Variants in RHBDL3 observed in about 807,000 individuals in gnomAD.
The protein encoded by RHBDL3 is rhomboid-related protein 3.
Under a neutral mutation model 48.2 loss-of-function variants are expected in RHBDL3, and 28 were observed. That is an observed-to-expected ratio of 0.58 (90% CI 0.43 to 0.80). The LOEUF is 0.80. RHBDL3 is among the 30% of genes least tolerant of loss of function. The pLI, the probability that RHBDL3 is intolerant of heterozygous loss-of-function variation, is 0.00. For missense variants in RHBDL3, 464 were observed against 542.7 expected, an observed-to-expected ratio of 0.85 and a Z score of 1.44; for synonymous variants, 208 against 232.3, an observed-to-expected ratio of 0.90 and a Z score of 0.95.
chr17:32,321,490 G>A lies in RHBDL3; in HGVS notation c.*261G>A. On this transcript the variant is annotated 3_prime_UTR_variant, in exon 9 of 9. Coordinates refer to ENST00000269051, the MANE Select transcript of RHBDL3 (RefSeq NM_138328.3). The stretch of plus-strand genomic sequence containing the variant: ...CGGGCCAGGGTGAAGGTCTGGGGTG[G>A]GGTGTGAGAGTGGCCCTCCCTCACC... 1.1e-6 allele frequency: 1 copy of A among 933,392 alleles called. No homozygotes were observed. Among genetic ancestry groups the A allele is most frequent in the East Asian group, 2.9e-5 (1 of 34,482 alleles). The allele number at this position is 933,392 out of a possible 1,614,324, so 57.8% of individuals were successfully genotyped here.
chr17:32,318,950 G>C (rs1297235222), intron 8 of RHBDL3, among the ~76,000 whole-genome samples: 1 of 152,100 alleles, frequency 6.6e-6, no homozygotes, highest in Non-Finnish European at 1.5e-5. Flanking sequence ...GGATGGGGCT[G>C]GAGAATCTCT....
At chr17:32,279,221 T>C (rs1399250739) in intron 2 of RHBDL3, among the ~76,000 whole-genome samples, 1 of 152,190 alleles carries the variant, frequency 6.6e-6, no homozygotes, top group Non-Finnish European at 1.5e-5. Flanking sequence ...GGCCTGAGGT[T>C]TCAGTCAAGG....
At chr17:32,281,133 C>T (rs2040032417) in intron 2 of RHBDL3, among the ~76,000 whole-genome samples, 1 of 152,200 alleles carries the variant, frequency 6.6e-6, no homozygotes, top group Non-Finnish European at 1.5e-5. Context: ...AGAACCGAGG[C>T]TCGGCCTGAT....
At chr17:32,290,419 G>A (rs2040299840) in intron 4 of RHBDL3, among the ~76,000 whole-genome samples, 1 of 152,160 alleles carries the variant, frequency 6.6e-6, no homozygotes, top group African/African-American at 2.4e-5. Context: ...TGGTTCAGAT[G>A]AACCTCAGCT....
rs1457143074 is a variant in RHBDL3, at chr17:32,323,500, C to T, written c.*2271C>T. 1 of 152,494 alleles carries T rather than the reference C, an allele frequency of 6.6e-6. No homozygotes were observed. Among genetic ancestry groups the T allele is most frequent in the Non-Finnish European group, 1.5e-5 (1 of 68,300 alleles). 9.4% of individuals were successfully genotyped at this position (152,494 alleles called of 1,614,324 possible). On this transcript the variant is annotated 3_prime_UTR_variant, in exon 9 of 9. Transcript: ENST00000269051. ...CCCCTCCAGATTCCTGTCCTGGCCC[C>T]TGGGGATTCTGTGGTGTGGGTGGAA...
At chr17:32,313,571 C>G (rs918428462) in intron 7 of RHBDL3, among the ~76,000 whole-genome samples, 27 of 151,890 alleles carry the variant, frequency 1.8e-4, no homozygotes, top group African/African-American at 5.3e-4. Flanking sequence ...GACTCCCCAC[C>G]CCCTCCTCCC....
intron 4 of RHBDL3, 85 bp downstream of exon 4, chr17:32,289,101 C>A: frequency 9.5e-7 from 1 of 1,050,284 alleles, no homozygotes; most frequent in Non-Finnish European, 1.5e-6. Flanking sequence ...ACACACAGAT[C>A]ATGGGGGAAG....
intron 4 of RHBDL3, among the ~76,000 whole-genome samples, chr17:32,290,853 T>C (rs2040308031): frequency 6.6e-6 from 1 of 151,684 alleles, no homozygotes. Flanking sequence ...ATCAAAAAAT[T>C]AGCCAGGCAT....
intron 6 of RHBDL3, among the ~76,000 whole-genome samples, chr17:32,301,564 T>C (rs2040583387): frequency 6.6e-6 from 1 of 152,124 alleles, no homozygotes; most frequent in Non-Finnish European, 1.5e-5. Flanking sequence ...CTCACACCTG[T>C]AATCCCAGCA....
chr17:32,306,446 T>C (rs1414220285), intron 7 of RHBDL3, among the ~76,000 whole-genome samples: 1 of 151,956 alleles, frequency 6.6e-6, no homozygotes, highest in African/African-American at 2.4e-5. Context: ...TGTTCCCCTA[T>C]CCCAGTCTGT....
chr17:32,316,292 A>G lies in RHBDL3; in HGVS notation c.943A>G (p.Met315Val). 2 of 1,611,752 alleles carry G rather than the reference A, an allele frequency of 1.2e-6. No homozygotes were observed. Among genetic ancestry groups the G allele is most frequent in the Non-Finnish European group, 1.7e-6 (2 of 1,177,900 alleles). Residue 315 changes from methionine to valine, a missense_variant and splice_region_variant, in exon 8 of 9, where the codon ATG becomes GTG. Transcript: ENST00000269051. The part of the protein sequence containing the change: ...LLRMAVALIC[M>V]SMEFGRAVWL... The stretch of plus-strand genomic sequence containing the variant: ...GCGGATGGCTGTGGCCCTTATCTGT[A>G]GTAAGTACTGATGGGGCGCTGGGGA...
chr17:32,292,987 C>CA (rs919261957), intron 4 of RHBDL3, among the ~76,000 whole-genome samples: 13 of 150,866 alleles, frequency 8.6e-5, no homozygotes, highest in Admixed American at 4.6e-4. Flanking sequence ...GATCCTGTCT[C>CA]AAAAAAAAGG....
chr17:32,278,541 G>A (rs1001868026), intron 2 of RHBDL3, among the ~76,000 whole-genome samples: 5 of 152,198 alleles, frequency 3.3e-5, no homozygotes, highest in Admixed American at 3.3e-4. Context: ...TATGTGTTAG[G>A]TGGACACATA....
chr17:32,317,119 C>T (rs193232662), intron 8 of RHBDL3, among the ~76,000 whole-genome samples: 3 of 151,986 alleles, frequency 2.0e-5, no homozygotes, highest in East Asian at 1.9e-4. Flanking sequence ...GTGATCTGCC[C>T]GCCTTGGCCT....
intron 4 of RHBDL3, 46 bp downstream of exon 4, chr17:32,289,062 C>T (rs1184779989): frequency 1.0e-5 from 16 of 1,530,600 alleles, no homozygotes; most frequent in Middle Eastern, 1.8e-4. Context: ...TGGGGAGTGG[C>T]GGGTATGGGG....
intron 2 of RHBDL3, among the ~76,000 whole-genome samples, chr17:32,277,690 G>T (rs939390369): frequency 6.6e-6 from 1 of 152,236 alleles, no homozygotes; most frequent in African/African-American, 2.4e-5. Flanking sequence ...GAAGTGAAAG[G>T]CTCTGGTTCT....
chr17:32,285,285 A>C (rs16967242), intron 3 of RHBDL3, among the ~76,000 whole-genome samples: 23,126 of 152,150 alleles, frequency 0.15, 1,899 homozygotes, highest in African/African-American at 0.19. Flanking sequence ...GGATGGGTAG[A>C]TTGCGTTAAA....
intron 2 of RHBDL3, among the ~76,000 whole-genome samples, chr17:32,277,475 G>A (rs2039941529): frequency 6.6e-6 from 1 of 152,216 alleles, no homozygotes; most frequent in African/African-American, 2.4e-5. Flanking sequence ...TGCTGAGCAG[G>A]CAAATCCCAG....
At chr17:32,274,504 G>A (rs76063812) in intron 2 of RHBDL3, among the ~76,000 whole-genome samples, 1 of 152,316 alleles carries the variant, frequency 6.6e-6, no homozygotes, top group Non-Finnish European at 1.5e-5. Context: ...CTAACTGCAT[G>A]CTTATAAATT....
Sources: gnomAD v4.1 joint callset for allele counts (sites outside exome capture counted in the v4.1 genomes callset) on GRCh38, gnomAD v4.1.1 for gene constraint, MANE v1.5 for transcripts, NCBI Gene and HGNC (gene_info 2026-07-23, HGNC 2026-07-21) for gene names.